Variants in PDZD2 observed in about 807,000 individuals in gnomAD.
PDZD2 encodes the protein PDZ domain-containing protein 2.
In PDZD2, 90 loss-of-function variants were observed where a neutral mutation model predicts 220.7. The observed-to-expected ratio is 0.41, with a 90% CI of 0.34 to 0.49. The LOEUF is 0.49. PDZD2 is among the 20% of genes least tolerant of loss of function. The pLI, the probability that PDZD2 is intolerant of heterozygous loss-of-function variation, is 0.28. For synonymous variants in PDZD2, 1,375 were observed against 1,450.5 expected (o/e 0.95, Z 1.18); for missense variants, 3,174 against 3,608.5 (o/e 0.88, Z 3.08).
chr5:32,080,682 G>A (rs1187078867), intron 19 of PDZD2, among the ~76,000 whole-genome samples: 1 of 152,042 alleles, frequency 6.6e-6, no homozygotes, highest in Non-Finnish European at 1.5e-5. Flanking sequence ...TCAATACTGA[G>A]GTTTTCATCA....
intron 3 of PDZD2, among the ~76,000 whole-genome samples, chr5:31,991,623 G>C (rs995756690): frequency 6.6e-6 from 1 of 152,134 alleles, no homozygotes; most frequent in Non-Finnish European, 1.5e-5. Flanking sequence ...CCTTAATATC[G>C]TTATATTTAA....
intron 6 of PDZD2, among the ~76,000 whole-genome samples, chr5:32,023,278 C>T (rs1351472038): frequency 6.6e-6 from 1 of 152,160 alleles, no homozygotes; most frequent in Non-Finnish European, 1.5e-5. Flanking sequence ...CCAGAGCTTT[C>T]ATCCTGGTCT....
chr5:31,761,807 G>A (rs928354794), intron 1 of PDZD2, among the ~76,000 whole-genome samples: 2 of 149,790 alleles, frequency 1.3e-5, no homozygotes, highest in Admixed American at 6.7e-5. Context: ...GTTGCAGTGA[G>A]CCAAGATCAC....
rs547784454 is a variant in PDZD2 at position 31,782,046 on chromosome 5, T to C, written c.-360-16843T>C. On this transcript the variant is annotated intron_variant, in intron 1 of 24. Coordinates refer to ENST00000438447, the MANE Select transcript of PDZD2 (RefSeq NM_178140.4). ...GCACAGTGTGGGTGGCCGTGGCCCATGGGTGCTATCTGCATTCAGGAAGAA... is the reference window on the plus strand; with the variant it reads ...GCACAGTGTGGGTGGCCGTGGCCCACGGGTGCTATCTGCATTCAGGAAGAA... 3.9e-5 allele frequency among the ~76,000 whole-genome samples: 6 copies of C among 152,256 alleles called. No homozygotes were observed. In the South Asian group the frequency reaches 1.0e-3, roughly 26 times the overall value.
intron 7 of PDZD2, among the ~76,000 whole-genome samples, chr5:32,040,736 C>CGAG (rs1756027708): frequency 6.7e-6 from 1 of 149,032 alleles, no homozygotes; most frequent in African/African-American, 2.5e-5. Context: ...GCGCCTCTGC[C>CGAG]CAGCCGCCCC....
chr5:31,914,566 T>C (rs1444059548), intron 2 of PDZD2, among the ~76,000 whole-genome samples: 2 of 152,166 alleles, frequency 1.3e-5, no homozygotes, highest in Non-Finnish European at 2.9e-5. Flanking sequence ...AACACAGGGA[T>C]CTCATTTTGA....
At chr5:31,856,478 C>T (rs192833902) in intron 2 of PDZD2, among the ~76,000 whole-genome samples, 2 of 152,258 alleles carry the variant, frequency 1.3e-5, no homozygotes, top group African/African-American at 4.8e-5. Flanking sequence ...TAAGGCTTAT[C>T]TGGGCCCTCA....
chr5:31,974,424 A>G (rs537730489), intron 2 of PDZD2, among the ~76,000 whole-genome samples: 2 of 152,318 alleles, frequency 1.3e-5, no homozygotes, highest in African/African-American at 2.4e-5. Context: ...TATATTAATC[A>G]TTGGTATCAA....
intron 19 of PDZD2, among the ~76,000 whole-genome samples, chr5:32,084,870 C>T (rs953323893): frequency 5.9e-5 from 9 of 151,872 alleles, no homozygotes; most frequent in Non-Finnish European, 1.0e-4. Context: ...TTCCCACTGT[C>T]CACTGGCACA....
chr5:32,075,845 T>C (rs567533465), intron 18 of PDZD2, among the ~76,000 whole-genome samples: 21 of 152,238 alleles, frequency 1.4e-4, no homozygotes, highest in Non-Finnish European at 2.6e-4. Context: ...ATAAAAACTA[T>C]ACCAGGCAAA....
chr5:32,050,265 C>T (rs930461962), intron 8 of PDZD2, among the ~76,000 whole-genome samples: 5 of 152,124 alleles, frequency 3.3e-5, no homozygotes, highest in African/African-American at 9.7e-5. Context: ...AGAGGGTTTA[C>T]AGCCATCATG....
In PDZD2 at chr5:32,032,066, C is replaced by T. The variant is rs73072262; in HGVS notation, c.1408-5165C>T. The stretch of plus-strand genomic sequence containing the variant: ...TGAATAGGGAGCAACATGACAGTCA[C>T]CCTTATTTGTTGGCTGGTGGGCTAC... On this transcript the variant is annotated intron_variant, in intron 6 of 24. Transcript: ENST00000438447. Among the ~76,000 whole-genome samples the T allele has an allele frequency of 1.3e-3, 199 of 152,292 alleles. 1 individual carries two copies. The highest frequency in any genetic ancestry group is 4.5e-3 in the African/African-American group (189 of 41,554).
Position 32,101,246 on chromosome 5 carries a change from T to A in PDZD2, c.8353+7T>A, listed in dbSNP as rs369719500. The A allele has an allele frequency of 3.6e-5, 57 of 1,586,434 alleles. No homozygotes were observed. The Middle Eastern group carries it at 1.7e-3, about 47-fold the overall frequency. ...ATTAAAAGAGTGTACAAAGGTAATG[T>A]TCTAGACAACTCAGTCAGCCTTCTC... On this transcript the variant is annotated splice_region_variant and intron_variant, in intron 24 of 24. Transcript: ENST00000438447.
intron 3 of PDZD2, among the ~76,000 whole-genome samples, chr5:31,988,983 C>T (rs945146212): frequency 7.2e-5 from 11 of 152,164 alleles, no homozygotes; most frequent in African/African-American, 2.4e-4. Flanking sequence ...TGCCCGAGCC[C>T]GACGTATTCC....
chr5:32,087,057 T>C lies in PDZD2; in HGVS notation c.3683-74T>C. The stretch of plus-strand genomic sequence containing the variant: ...AGTTTTTAATAATTGAGGGGCTGCT[T>C]TCTTATATTATCCCTTTTATCTCCC... On this transcript the variant is annotated intron_variant, in intron 19 of 24. Coordinates refer to ENST00000438447, the MANE Select transcript of PDZD2 (RefSeq NM_178140.4). This position sits in a 1 kb window ranked among gnomAD's most constrained non-coding sequence, Gnocchi z 4.0. The C allele has an allele frequency of 1.3e-6, 1 of 777,494 alleles. No homozygotes were observed. Among genetic ancestry groups the C allele is most frequent in the Non-Finnish European group, 2.1e-6 (1 of 475,414 alleles). 48.2% of individuals were successfully genotyped at this position (777,494 alleles called of 1,614,324 possible).
chr5:32,002,927 ACCT>A (rs1752358960), intron 5 of PDZD2, among the ~76,000 whole-genome samples: 1 of 97,992 alleles, frequency 1.0e-5, no homozygotes, highest in Non-Finnish European at 2.1e-5. Context: ...CACCACACAC[ACCT>A]CACACACCAC....
intron 2 of PDZD2, chr5:31,923,393 G>A (rs995454564): frequency 4.8e-6 from 6 of 1,250,916 alleles, no homozygotes; most frequent in Non-Finnish European, 7.0e-6. Context: ...AAGAGGCCAA[G>A]CAGAGACTGC....
intron 13 of PDZD2, among the ~76,000 whole-genome samples, chr5:32,060,004 G>A (rs919153585): frequency 2.6e-5 from 4 of 152,178 alleles, no homozygotes; most frequent in African/African-American, 7.2e-5. Flanking sequence ...AAGAATGTAC[G>A]TGTATTGCAC....
At chr5:32,102,517 T>C (rs376522226) in intron 24 of PDZD2, among the ~76,000 whole-genome samples, 15 of 151,598 alleles carry the variant, frequency 9.9e-5, no homozygotes, top group Middle Eastern at 3.4e-3. Context: ...TGTGAACCTA[T>C]GGTACCAGGG....
Sources: gnomAD v4.1 joint callset for allele counts (sites outside exome capture counted in the v4.1 genomes callset) on GRCh38, gnomAD v4.1.1 for gene constraint, Gnocchi (gnomAD v3.1) non-coding constraint, MANE v1.5 for transcripts, NCBI Gene and HGNC (gene_info 2026-07-23, HGNC 2026-07-21) for gene names.